AP3B1: variants seen among roughly 807,000 people sequenced by gnomAD.
The protein encoded by AP3B1 is adaptor related protein complex 3 subunit beta 1.
AP3B1 carries 61 observed loss-of-function variants against 132.5 expected under a neutral mutation model. The observed-to-expected ratio is 0.46, with a 90% CI of 0.37 to 0.57. The LOEUF (loss-of-function observed/expected upper bound fraction) is 0.57, where lower values mean the gene tolerates loss of function less well. Among genes scored for constraint, AP3B1 ranks in the 20% least tolerant of loss-of-function variants. AP3B1 has a pLI of 0.00. For missense variants in AP3B1, 1,120 were observed against 1,289.4 expected, an observed-to-expected ratio of 0.87 and a Z score of 2.01; for synonymous variants, 388 against 438.3, an observed-to-expected ratio of 0.89 and a Z score of 1.43.
chr5:78,120,784 C>T (rs529618286), intron 17 of AP3B1, among the ~76,000 whole-genome samples: 6 of 152,204 alleles, frequency 3.9e-5, no homozygotes, highest in African/African-American at 9.6e-5. Flanking sequence ...AACAGATCAA[C>T]GAGACAGAAA....
intron 1 of AP3B1, among the ~76,000 whole-genome samples, chr5:78,278,625 A>AAAGG (rs1561217252): frequency 1.9e-5 from 1 of 52,250 alleles, no homozygotes; most frequent in African/African-American, 6.1e-5. Context: ...AAAAAAAAAA[A>AAAGG]GGGGGGGGGG....
chr5:78,048,223 G>A (rs375430664), intron 22 of AP3B1, among the ~76,000 whole-genome samples: 6 of 152,272 alleles, frequency 3.9e-5, no homozygotes, highest in East Asian at 3.9e-4. Context: ...TCTGATAGCC[G>A]ACAACAAAGT....
chr5:78,106,390 C>T (rs186916661), intron 20 of AP3B1, among the ~76,000 whole-genome samples: 5 of 152,054 alleles, frequency 3.3e-5, no homozygotes, highest in Non-Finnish European at 7.4e-5. Context: ...ACTTGGAGGT[C>T]GAAGCTGCAG....
At chr5:78,033,957 C>T (rs1747690322) in intron 24 of AP3B1, among the ~76,000 whole-genome samples, 1 of 151,802 alleles carries the variant, frequency 6.6e-6, no homozygotes, top group Admixed American at 6.6e-5. Context: ...CTCAAGATAA[C>T]ATGTATGTAT....
chr5:78,156,319 A>T lies in AP3B1; in HGVS notation c.1412T>A (p.Met471Lys), dbSNP rs771964089. ...SVVVIKKLLQ[M>K]QPAQHGEIIK... Reference sequence around the variant, plus strand: ...AATTTCACCATGTTGTGCAGGTTGCATTTGCAGTAATTTCTTTATAACAAC... The same window carrying T: ...AATTTCACCATGTTGTGCAGGTTGCTTTTGCAGTAATTTCTTTATAACAAC... Residue 471 changes from methionine (M) to lysine (K), a missense_variant, in exon 14 of 27, where the codon ATG becomes AAG. Physicochemically the swap from Met to Lys is moderately conservative, Grantham distance 95. Coordinates refer to ENST00000255194, the MANE Select transcript of AP3B1 (RefSeq NM_003664.5). 30 of 1,613,702 alleles carry T rather than the reference A, an allele frequency of 1.9e-5. No homozygotes were observed. The Admixed American group carries it at 4.3e-4, about 23-fold the overall frequency.
In AP3B1 at chr5:78,294,488, G is replaced by A; in HGVS notation, c.92C>T (p.Ser31Leu). ...GCTGCTAAAGAGGCCGAAGGCCCCC[G>A]AGGGGGAAATGGTTGAGGTCGCCTC... is the stretch of plus-strand genomic sequence containing the variant. ...GQEATSTISP[S>L]GAFGLFSSDL... Residue 31 changes from serine to leucine, a missense_variant, in exon 1 of 27, where the codon TCG becomes TTG. Coordinates refer to ENST00000255194, the MANE Select transcript of AP3B1 (RefSeq NM_003664.5). The A allele has an allele frequency of 5.0e-6, 8 of 1,614,232 alleles. 1 individual carries two copies. The highest frequency in any genetic ancestry group is 3.3e-5 in the South Asian group (3 of 91,090).
intron 14 of AP3B1, among the ~76,000 whole-genome samples, chr5:78,148,217 C>T (rs1753497504): frequency 6.6e-6 from 1 of 152,156 alleles, no homozygotes; most frequent in Admixed American, 6.5e-5. Context: ...CTGCACTCTC[C>T]TGAAGCCCTA....
intron 6 of AP3B1, among the ~76,000 whole-genome samples, chr5:78,220,630 C>T (rs919110881): frequency 6.7e-6 from 1 of 149,388 alleles, no homozygotes; most frequent in African/African-American, 2.5e-5. Flanking sequence ...AAGGGAAAGA[C>T]TTGAAAGAGA....
At chr5:78,165,739 C>T in intron 11 of AP3B1, 67 bp from the exon 12 acceptor site, 1 of 1,069,120 alleles carries the variant, frequency 9.4e-7, no homozygotes. Flanking sequence ...TAATAGAGTA[C>T]AGACATTTAA....
chr5:78,011,234 C>T (rs1163975637), intron 26 of AP3B1, among the ~76,000 whole-genome samples: 6 of 151,678 alleles, frequency 4.0e-5, no homozygotes, highest in African/African-American at 1.2e-4. Context: ...TTAGTAGAGA[C>T]GGGGTTTCAC....
intron 3 of AP3B1, among the ~76,000 whole-genome samples, chr5:78,232,720 T>A: frequency 6.6e-6 from 1 of 152,180 alleles, no homozygotes; most frequent in African/African-American, 2.4e-5. Flanking sequence ...TCTTTCTTTT[T>A]TTTTTAGACA....
intron 1 of AP3B1, among the ~76,000 whole-genome samples, chr5:78,272,105 C>G (rs1748571049): frequency 6.6e-6 from 1 of 152,192 alleles, no homozygotes; most frequent in African/African-American, 2.4e-5. Context: ...TTTATCCTAA[C>G]CCAGCCACAC....
At chr5:78,293,431 A>G (rs918273774) in intron 1 of AP3B1, among the ~76,000 whole-genome samples, 3 of 152,178 alleles carry the variant, frequency 2.0e-5, no homozygotes, top group Non-Finnish European at 2.9e-5. Context: ...TGTATCTTAC[A>G]TGCTATATAT....
intron 12 of AP3B1, among the ~76,000 whole-genome samples, chr5:78,163,629 TATATAGTATAC>T (rs1561450108): frequency 6.1e-5 from 9 of 147,436 alleles, no homozygotes; most frequent in African/African-American, 2.0e-4. Flanking sequence ...ATATAGTATA[TATATAGTATAC>T]ATATATATAT....
chr5:78,159,404 C>G (rs1209119509), intron 13 of AP3B1, among the ~76,000 whole-genome samples: 1 of 152,140 alleles, frequency 6.6e-6, no homozygotes, highest in Non-Finnish European at 1.5e-5. Flanking sequence ...GTTCTAAAGT[C>G]AGAAGTCTAA....
chr5:78,044,516 GC>G (rs966039857), intron 22 of AP3B1, among the ~76,000 whole-genome samples: 10 of 152,132 alleles, frequency 6.6e-5, no homozygotes, highest in Non-Finnish European at 1.3e-4. Flanking sequence ...TAAAAAGTTG[GC>G]CTACATATAA....
intron 12 of AP3B1, among the ~76,000 whole-genome samples, chr5:78,164,202 C>A (rs1489183489): frequency 6.6e-6 from 1 of 151,694 alleles, no homozygotes; most frequent in Non-Finnish European, 1.5e-5. Flanking sequence ...CTATTTTACC[C>A]AAAAAGTTAC....
intron 21 of AP3B1, among the ~76,000 whole-genome samples, chr5:78,096,392 C>T (rs927312051): frequency 4.6e-5 from 7 of 152,118 alleles, no homozygotes; most frequent in African/African-American, 1.7e-4. Context: ...CTGCCTTGGC[C>T]TCCCAAAGCG....
chr5:78,165,568 A>T (rs377409758), intron 12 of AP3B1, 42 bp downstream of exon 12: 26 of 1,364,400 alleles, frequency 1.9e-5, no homozygotes, highest in Non-Finnish European at 2.5e-5. Context: ...AAGACTGAAC[A>T]TATGTTTTAG....
Sources: allele counts gnomAD v4.1 joint callset (sites outside exome capture counted in the v4.1 genomes callset), GRCh38; gene constraint gnomAD v4.1.1; transcripts MANE v1.5; gene names NCBI Gene and HGNC (gene_info 2026-07-23, HGNC 2026-07-21).